Variants in DPP10 observed in about 807,000 individuals in gnomAD.
DPP10 encodes dipeptidyl peptidase like 10, also known as inactive dipeptidyl peptidase 10.
Under a neutral mutation model 120.9 loss-of-function variants are expected in DPP10, and 33 were observed. The observed-to-expected ratio is 0.27, with a 90% CI of 0.21 to 0.37. The LOEUF (loss-of-function observed/expected upper bound fraction) is 0.37, where lower values mean the gene tolerates loss of function less well. Ranked by LOEUF, DPP10 falls within the 10% of genes least tolerant of loss-of-function variation. The pLI is 1.00. For synonymous variants in DPP10, 337 were observed against 326.1 expected (o/e 1.03, Z -0.36); for missense variants, 816 against 942.8 (o/e 0.87, Z 1.76).
chr2:114,485,568 GTGCACTAGTGT>G (rs1286681381), intron 1 of DPP10, among the ~76,000 whole-genome samples: 1 of 118,612 alleles, frequency 8.4e-6, no homozygotes, highest in Non-Finnish European at 1.6e-5. Context: ...CACTAGTGTT[GTGCACTAGTGT>G]TGCACTAGTG....
Position 114,646,631 on chromosome 2 carries a change from G to A in DPP10, c.60+203793G>A, listed in dbSNP as rs564809462. Among the ~76,000 whole-genome samples, 4 of 152,144 alleles carry A rather than the reference G, an allele frequency of 2.6e-5. No homozygotes were observed. The South Asian group carries it at 8.3e-4, about 31-fold the overall frequency. On this transcript the variant is annotated intron_variant, in intron 1 of 25. Coordinates refer to ENST00000410059, the MANE Select transcript of DPP10 (RefSeq NM_020868.6). ...TTCAAAAGGGACAAATGAACAAGGA[G>A]GAGACAGCACTAAGTCCTACTCATT...
At chr2:115,783,456 TA>T (rs1249157121) in intron 17 of DPP10, among the ~76,000 whole-genome samples, 1 of 152,066 alleles carries the variant, frequency 6.6e-6, no homozygotes, top group Non-Finnish European at 1.5e-5. Flanking sequence ...GATATATAGG[TA>T]AAAAAGTGTA....
At chr2:115,316,319 C>T (rs2061790762) in intron 2 of DPP10, among the ~76,000 whole-genome samples, 1 of 152,104 alleles carries the variant, frequency 6.6e-6, no homozygotes, top group Admixed American at 6.6e-5. Flanking sequence ...TGTCATAATC[C>T]TTGTAATATA....
chr2:114,522,227 G>A (rs1033462629), intron 1 of DPP10, among the ~76,000 whole-genome samples: 25 of 149,804 alleles, frequency 1.7e-4, no homozygotes, highest in Admixed American at 3.3e-4. Flanking sequence ...CTCATGATCC[G>A]CCCGCCTCGG....
At chr2:114,567,369 G>A (rs1182219830) in intron 1 of DPP10, among the ~76,000 whole-genome samples, 1 of 152,082 alleles carries the variant, frequency 6.6e-6, no homozygotes, top group Admixed American at 6.5e-5. Flanking sequence ...ATTAGAATAT[G>A]GGGAGATTAT....
chr2:115,718,748 G>A (rs2092569301), intron 7 of DPP10, among the ~76,000 whole-genome samples: 1 of 152,014 alleles, frequency 6.6e-6, no homozygotes, highest in African/African-American at 2.4e-5. Context: ...GCTCAGCACA[G>A]GGCCTAGCAC....
chr2:115,048,871 T>C (rs1705261811), intron 1 of DPP10, among the ~76,000 whole-genome samples: 1 of 152,142 alleles, frequency 6.6e-6, no homozygotes, highest in Non-Finnish European at 1.5e-5. Context: ...TAAATTTGCA[T>C]GTATAATTCA....
intron 3 of DPP10, among the ~76,000 whole-genome samples, chr2:115,450,949 T>A (rs2073062076): frequency 6.6e-6 from 1 of 151,940 alleles, no homozygotes; most frequent in South Asian, 2.1e-4. Flanking sequence ...TCAGTTAATA[T>A]TAAATTCTGA....
intron 5 of DPP10, among the ~76,000 whole-genome samples, chr2:115,539,219 GA>G (rs1390192829): frequency 2.6e-5 from 4 of 151,932 alleles, no homozygotes; most frequent in Admixed American, 6.6e-5. Context: ...TGTAATTGTG[GA>G]AAAGGAAAAC....
chr2:115,344,557 C>T (rs919422075), intron 3 of DPP10, among the ~76,000 whole-genome samples: 2 of 151,706 alleles, frequency 1.3e-5, no homozygotes, highest in Admixed American at 6.6e-5. Flanking sequence ...ATATATGGCA[C>T]TTTGTTGTTT....
chr2:115,419,548 A>T lies in DPP10; in HGVS notation c.271+75636A>T, dbSNP rs532325762. Among the ~76,000 whole-genome samples, 3 of 151,962 alleles carry T rather than the reference A, an allele frequency of 2.0e-5. No individual in the cohort carries two copies. In the East Asian group the frequency reaches 5.8e-4, roughly 29 times the overall value. ...GCACCAAGCCATTCATGACCCAAAC[A>T]CCTCCCACAAAGCCCCACCTCCAAC... On this transcript the variant is annotated intron_variant, in intron 3 of 25. Coordinates refer to ENST00000410059, the MANE Select transcript of DPP10 (RefSeq NM_020868.6).
intron 3 of DPP10, among the ~76,000 whole-genome samples, chr2:115,436,297 A>G (rs887676869): frequency 1.3e-5 from 2 of 151,858 alleles, no homozygotes; most frequent in African/African-American, 2.4e-5. Context: ...AGTGCAATAG[A>G]TAAAATTTGG....
At chr2:115,816,166 GT>G (rs1687206970) in intron 21 of DPP10, among the ~76,000 whole-genome samples, 1 of 152,034 alleles carries the variant, frequency 6.6e-6, no homozygotes, top group South Asian at 2.1e-4. Context: ...TGAAGCTTGT[GT>G]TCCAGAGAGG....
chr2:115,242,672 A>ATT lies in DPP10; in HGVS notation c.61-66551_61-66550dup, dbSNP rs539909325. ...TTTCACCACATCCATGCCAACATCT[A>ATT]TTTTTTTTTTTTTTTTTGGTTATGG... On this transcript the variant is annotated intron_variant, in intron 1 of 25. Transcript: ENST00000410059. Among the ~76,000 whole-genome samples, 1,003 of 124,174 alleles carry ATT rather than the reference A, an allele frequency of 8.1e-3. 7 individuals carry two copies. Among genetic ancestry groups the ATT allele is most frequent in the African/African-American group, 0.015 (528 of 34,812 alleles). 81.5% of individuals were successfully genotyped at this position (124,174 alleles called of 152,430 possible). A position where few individuals can be genotyped will look rare whatever the true frequency, so the allele number is the denominator to read the frequency against.
intron 1 of DPP10, among the ~76,000 whole-genome samples, chr2:114,758,564 A>G (rs550227234): frequency 6.6e-6 from 1 of 152,320 alleles, no homozygotes; most frequent in East Asian, 1.9e-4. Flanking sequence ...TTGTAATAGT[A>G]TTAATCTGAG....
At chr2:115,456,963 TATAATA>T (rs2073601286) in intron 3 of DPP10, among the ~76,000 whole-genome samples, 1 of 104,630 alleles carries the variant, frequency 9.6e-6, no homozygotes, top group Non-Finnish European at 2.6e-5. Context: ...GAACTTAAAG[TATAATA>T]ATAAAAACAA....
intron 9 of DPP10, among the ~76,000 whole-genome samples, chr2:115,744,075 A>G (rs1677638591): frequency 6.6e-6 from 1 of 150,700 alleles, no homozygotes; most frequent in Non-Finnish European, 1.5e-5. Context: ...TTTTATTAAA[A>G]TTTGCACACT....
chr2:114,884,411 A>C (rs892994507), intron 1 of DPP10, among the ~76,000 whole-genome samples: 1 of 151,754 alleles, frequency 6.6e-6, no homozygotes, highest in Non-Finnish European at 1.5e-5. Context: ...TCCAGGGGAG[A>C]ATTCTTTTTC....
intron 1 of DPP10, among the ~76,000 whole-genome samples, chr2:114,760,750 A>G (rs1821664): frequency 0.018 from 2,666 of 152,230 alleles, 71 homozygotes; most frequent in African/African-American, 0.061. Context: ...GAAATTTTAT[A>G]TCATTAAGAT....
Sources: gnomAD v4.1 joint callset for allele counts (sites outside exome capture counted in the v4.1 genomes callset) on GRCh38, gnomAD v4.1.1 for gene constraint, MANE v1.5 for transcripts, NCBI Gene and HGNC (gene_info 2026-07-23, HGNC 2026-07-21) for gene names.